RAB38: variants seen among roughly 807,000 people sequenced by gnomAD.
The protein encoded by RAB38 is ras-related protein Rab-38.
In RAB38, 15 loss-of-function variants were observed where a neutral mutation model predicts 18.4. The observed-to-expected ratio is 0.82, with a 90% CI of 0.55 to 1.26. The LOEUF is 1.26. RAB38 is among the 50% of genes most tolerant of loss of function. RAB38 has a pLI of 0.00. For missense variants in RAB38, 294 were observed against 267.4 expected (o/e 1.10, Z -0.69); for synonymous variants, 101 against 104.4 (o/e 0.97, Z 0.20).
chr11:88,004,205 A>T, the RAB38 span, among the ~76,000 whole-genome samples: 1 of 150,360 alleles, frequency 6.7e-6, no homozygotes, highest in Non-Finnish European at 1.5e-5. Context: ...ATGAAAGGAC[A>T]TACATTCTTC....
At chr11:88,045,515 T>C in the RAB38 span, among the ~76,000 whole-genome samples, 32 of 152,200 alleles carry the variant, frequency 2.1e-4, no homozygotes, top group Non-Finnish European at 7.3e-5. Flanking sequence ...CAGCCCGGGA[T>C]TCCTCCTAAG....
At chr11:87,816,502 A>G in the RAB38 span, 2 of 152,176 alleles carry the variant, frequency 1.3e-5, no homozygotes, top group Non-Finnish European at 2.9e-5. Flanking sequence ...TATTAGGATT[A>G]TTAATAGAGC....
the RAB38 span, among the ~76,000 whole-genome samples, chr11:87,976,183 G>A: frequency 1.4e-5 from 2 of 144,606 alleles, no homozygotes; most frequent in South Asian, 4.3e-4. Context: ...GGTATATATA[G>A]GTATATTTAT....
At chr11:87,858,867 A>G in the RAB38 span, among the ~76,000 whole-genome samples, 2 of 151,888 alleles carry the variant, frequency 1.3e-5, no homozygotes, top group East Asian at 3.9e-4. Context: ...TCATAAACCA[A>G]TGGTGACAGT....
chr11:88,070,448 C>G, the RAB38 span, among the ~76,000 whole-genome samples: 1 of 152,218 alleles, frequency 6.6e-6, no homozygotes, highest in South Asian at 2.1e-4. Context: ...TTCTTGAAGT[C>G]AGTGAGACCA....
chr11:88,063,971 C>T, the RAB38 span, among the ~76,000 whole-genome samples: 54 of 152,310 alleles, frequency 3.5e-4, no homozygotes, highest in African/African-American at 1.0e-3. Context: ...ACATTTGCTA[C>T]GAAACAGTGT....
At chr11:88,103,889 T>G in the RAB38 span, among the ~76,000 whole-genome samples, 1 of 152,152 alleles carries the variant, frequency 6.6e-6, no homozygotes, top group South Asian at 2.1e-4. Flanking sequence ...TATGGTGTGC[T>G]GCCAGAAGAC....
the RAB38 span, among the ~76,000 whole-genome samples, chr11:88,052,312 A>C: frequency 6.6e-6 from 1 of 152,206 alleles, no homozygotes; most frequent in Non-Finnish European, 1.5e-5. Context: ...GGTCAAAAGC[A>C]AGATGTCTAA....
the RAB38 span, among the ~76,000 whole-genome samples, chr11:88,034,784 A>G: frequency 6.6e-6 from 1 of 152,310 alleles, no homozygotes; most frequent in South Asian, 2.1e-4. Flanking sequence ...GTGTGAGGCA[A>G]TATTGCCTTA....
At chr11:87,869,272 G>A in the RAB38 span, among the ~76,000 whole-genome samples, 40,028 of 151,430 alleles carry the variant, frequency 0.26, 7,235 homozygotes, top group African/African-American at 0.52. Flanking sequence ...TGGGATAAGC[G>A]TTTAACATCT....
intron 2 of RAB38, among the ~76,000 whole-genome samples, chr11:88,129,450 G>C (rs930355314): frequency 6.6e-6 from 1 of 152,160 alleles, no homozygotes; most frequent in Non-Finnish European, 1.5e-5. Context: ...AGATCAGCCT[G>C]GCCAACATGG....
At chr11:88,168,764 T>C (rs1287567596) in intron 1 of RAB38, among the ~76,000 whole-genome samples, 7 of 152,098 alleles carry the variant, frequency 4.6e-5, no homozygotes, top group African/African-American at 1.7e-4. Context: ...AAGACCACAA[T>C]AGGAGAGACA....
the RAB38 span, among the ~76,000 whole-genome samples, chr11:87,971,293 G>A: frequency 6.6e-6 from 1 of 152,136 alleles, no homozygotes; most frequent in African/African-American, 2.4e-5. Flanking sequence ...GAATGCTGAA[G>A]TGTTGATGTA....
the RAB38 span, among the ~76,000 whole-genome samples, chr11:87,952,502 C>G: frequency 6.6e-6 from 1 of 152,134 alleles, no homozygotes. Flanking sequence ...ATTGCTCCAC[C>G]TTTTTCAGAA....
chr11:88,056,989 T>C, the RAB38 span, among the ~76,000 whole-genome samples: 1 of 152,198 alleles, frequency 6.6e-6, no homozygotes, highest in African/African-American at 2.4e-5. Flanking sequence ...TGAGTATCAA[T>C]GGCTTCTATG....
chr11:87,955,895 ACACACACAC>A, the RAB38 span, among the ~76,000 whole-genome samples: 2 of 147,064 alleles, frequency 1.4e-5, no homozygotes, highest in South Asian at 4.4e-4. Context: ...ACACACACAC[ACACACACAC>A]AAGTAGGACA....
At chr11:87,834,081 G>A in the RAB38 span, among the ~76,000 whole-genome samples, 2 of 152,196 alleles carry the variant, frequency 1.3e-5, no homozygotes, top group Non-Finnish European at 2.9e-5. Context: ...GGAGATTGGA[G>A]TTGTGGTTGT....
At chr11:87,902,321 G>A in the RAB38 span, among the ~76,000 whole-genome samples, 1 of 151,432 alleles carries the variant, frequency 6.6e-6, no homozygotes, top group African/African-American at 2.4e-5. Flanking sequence ...TTTTCATATA[G>A]ATATCTAATT....
chr11:88,110,646 A>T (rs889843647), downstream of RAB38, among the ~76,000 whole-genome samples: 4 of 151,340 alleles, frequency 2.6e-5, no homozygotes, highest in Non-Finnish European at 5.9e-5. Context: ...TTGAAACCCC[A>T]CCTCTACTAA....
Sources: allele counts gnomAD v4.1 joint callset (sites outside exome capture counted in the v4.1 genomes callset), GRCh38; gene constraint gnomAD v4.1.1; transcripts MANE v1.5; gene names NCBI Gene and HGNC (gene_info 2026-07-23, HGNC 2026-07-21).